SNTG1: variants seen among roughly 807,000 people sequenced by gnomAD.
The protein encoded by SNTG1 is syntrophin gamma 1.
In SNTG1, 39 loss-of-function variants were observed where a neutral mutation model predicts 74.7. The ratio of observed to expected loss-of-function variants is 0.52; its 90% CI spans 0.40 to 0.68. SNTG1 has a LOEUF of 0.68. Among genes scored for constraint, SNTG1 ranks in the 30% least tolerant of loss-of-function variants. The pLI, the probability that SNTG1 is intolerant of heterozygous loss-of-function variation, is 0.00. For missense variants in SNTG1, 685 were observed against 609.5 expected, an observed-to-expected ratio of 1.12 and a Z score of -1.30; for synonymous variants, 254 against 217.1, an observed-to-expected ratio of 1.17 and a Z score of -1.49.
chr8:50,354,023 A>G (rs545234238), intron 2 of SNTG1, among the ~76,000 whole-genome samples: 3 of 152,262 alleles, frequency 2.0e-5, no homozygotes, highest in Admixed American at 6.5e-5. Context: ...TTCCCTATCT[A>G]GAAAGGGCAG....
At chr8:50,248,882 T>C (rs1245972547) in intron 2 of SNTG1, among the ~76,000 whole-genome samples, 2 of 152,186 alleles carry the variant, frequency 1.3e-5, no homozygotes, top group African/African-American at 2.4e-5. Flanking sequence ...AAATAAAATG[T>C]TATAATTTGG....
At chr8:50,788,641 A>G (rs1394571698) in intron 18 of SNTG1, among the ~76,000 whole-genome samples, 1 of 152,010 alleles carries the variant, frequency 6.6e-6, no homozygotes, top group African/African-American at 2.4e-5. Context: ...AGCAAGCAGA[A>G]TGAGGAAGAT....
intron 1 of SNTG1, among the ~76,000 whole-genome samples, chr8:50,139,896 C>T (rs2081599526): frequency 6.6e-6 from 1 of 152,196 alleles, no homozygotes; most frequent in Non-Finnish European, 1.5e-5. Context: ...GATGAGTAAA[C>T]TCAGATAGCT....
At chr8:50,272,485 C>A (rs117300617) in intron 2 of SNTG1, among the ~76,000 whole-genome samples, 3 of 152,128 alleles carry the variant, frequency 2.0e-5, no homozygotes, top group Admixed American at 6.5e-5. Flanking sequence ...CTGTAAGGCA[C>A]CAGGACATGA....
chr8:50,773,240 G>C (rs1273120299), intron 18 of SNTG1, among the ~76,000 whole-genome samples: 1 of 152,032 alleles, frequency 6.6e-6, no homozygotes, highest in African/African-American at 2.4e-5. Flanking sequence ...AAAGATGCTG[G>C]TGAAAAACTT....
At chr8:50,037,441 A>T (rs16914209) in intron 1 of SNTG1, among the ~76,000 whole-genome samples, 1 of 152,210 alleles carries the variant, frequency 6.6e-6, no homozygotes, top group East Asian at 1.9e-4. Context: ...AAGAGTTGTC[A>T]TCTGGTTCAC....
At chr8:50,653,801 C>A (rs1585971156) in intron 13 of SNTG1, among the ~76,000 whole-genome samples, 1 of 152,162 alleles carries the variant, frequency 6.6e-6, no homozygotes, top group South Asian at 2.1e-4. Flanking sequence ...AAGGTCAAAA[C>A]TATTTTCATA....
intron 8 of SNTG1, among the ~76,000 whole-genome samples, chr8:50,461,731 G>GTT (rs147135559): frequency 1.3e-5 from 2 of 150,934 alleles, no homozygotes; most frequent in South Asian, 4.2e-4. Flanking sequence ...TTGTTTGTTT[G>GTT]TTTGTTTTGT....
rs1819821449 is a variant in SNTG1 at position 50,054,133 on chromosome 8, A to C, written c.-102-118428A>C. On this transcript the variant is annotated intron_variant, in intron 1 of 18. Transcript: ENST00000642720. ...CTTATGTGAATATTCCCAAATCTCC[A>C]ATTTCAGCATTGGGTCTCTGATGAG... is the stretch of plus-strand genomic sequence containing the variant. Among the ~76,000 whole-genome samples, 3 of 152,154 alleles carry C rather than the reference A, an allele frequency of 2.0e-5. No individual in the cohort carries two copies. The South Asian group carries it at 6.2e-4, about 32-fold the overall frequency.
intron 2 of SNTG1, among the ~76,000 whole-genome samples, chr8:50,220,117 G>A (rs2084990248): frequency 6.6e-6 from 1 of 152,020 alleles, no homozygotes. Context: ...ACAAAAAGAA[G>A]GGCCAAATCA....
chr8:50,755,603 C>A (rs567837007), intron 18 of SNTG1, among the ~76,000 whole-genome samples: 2 of 151,964 alleles, frequency 1.3e-5, no homozygotes, highest in South Asian at 4.1e-4. Context: ...AAGTTTTCAA[C>A]TTCTTTGGGT....
intron 1 of SNTG1, among the ~76,000 whole-genome samples, chr8:49,933,205 G>A (rs2129359895): frequency 6.6e-6 from 1 of 152,238 alleles, no homozygotes; most frequent in African/African-American, 2.4e-5. Flanking sequence ...TTCCAAAGTA[G>A]CTGTACATTC....
rs149338074 is a variant in SNTG1 at position 50,475,660 on chromosome 8, A to G, written c.363+24931A>G. On this transcript the variant is annotated intron_variant, in intron 8 of 18. Transcript: ENST00000642720. ...TGACAATAATGCTGTCTTTCACACC[A>G]TGGTTTGTGCTCCTAGAGTAATGCC... 6.1e-4 allele frequency among the ~76,000 whole-genome samples: 93 copies of G among 152,260 alleles called. 1 individual carries two copies. The highest frequency in any genetic ancestry group is 2.6e-3 in the Admixed American group (39 of 15,280).
intron 2 of SNTG1, among the ~76,000 whole-genome samples, chr8:50,221,625 G>T (rs779806215): frequency 5.9e-5 from 9 of 151,844 alleles, no homozygotes; most frequent in Non-Finnish European, 1.3e-4. Context: ...TCTGGTAGAA[G>T]ATTGCAGTAT....
At chr8:50,707,518 C>T (rs1199111615) in intron 16 of SNTG1, among the ~76,000 whole-genome samples, 1 of 151,934 alleles carries the variant, frequency 6.6e-6, no homozygotes, top group Non-Finnish European at 1.5e-5. Context: ...TTTTTCTATG[C>T]TAATAAGGCT....
intron 16 of SNTG1, among the ~76,000 whole-genome samples, chr8:50,706,238 C>T (rs1191139810): frequency 6.6e-6 from 1 of 151,828 alleles, no homozygotes; most frequent in Non-Finnish European, 1.5e-5. Context: ...AAATAGTTTC[C>T]ACAATTAGAA....
At chr8:50,301,090 T>A (rs1563865887) in intron 2 of SNTG1, among the ~76,000 whole-genome samples, 1 of 152,146 alleles carries the variant, frequency 6.6e-6, no homozygotes, top group African/African-American at 2.4e-5. Context: ...TTTATGGAGC[T>A]ACCTAGATGT....
intron 12 of SNTG1, among the ~76,000 whole-genome samples, chr8:50,584,987 G>A (rs2094638045): frequency 6.6e-6 from 1 of 152,088 alleles, no homozygotes; most frequent in Non-Finnish European, 1.5e-5. Flanking sequence ...GAAGCCTGAG[G>A]CCAGTATTTG....
chr8:50,001,654 T>C (rs936477830), intron 1 of SNTG1, among the ~76,000 whole-genome samples: 1 of 152,186 alleles, frequency 6.6e-6, no homozygotes, highest in Non-Finnish European at 1.5e-5. Flanking sequence ...CATTAAGTTA[T>C]CTTGCAGTTC....
Sources: allele counts gnomAD v4.1 joint callset (sites outside exome capture counted in the v4.1 genomes callset), GRCh38; gene constraint gnomAD v4.1.1; transcripts MANE v1.5; gene names NCBI Gene and HGNC (gene_info 2026-07-23, HGNC 2026-07-21).